SYNE2: variants seen among roughly 807,000 people sequenced by gnomAD.
The protein encoded by SYNE2 is spectrin repeat containing nuclear envelope protein 2.
Under a neutral mutation model 856.3 loss-of-function variants are expected in SYNE2, and 431 were observed. The ratio of observed to expected loss-of-function variants is 0.50; its 90% CI spans 0.47 to 0.55. The LOEUF (loss-of-function observed/expected upper bound fraction) is 0.55. SYNE2 is among the 20% of genes least tolerant of loss of function. SYNE2 has a pLI of 0.00. For synonymous variants in SYNE2, 2,923 were observed against 2,872.3 expected (o/e 1.02, Z -0.56); for missense variants, 8,129 against 8,023.2 (o/e 1.01, Z -0.50).
In SYNE2 at chr14:64,137,994, T is replaced by A; in HGVS notation, c.14843+11T>A. 6.2e-7 allele frequency: 1 copy of A among 1,610,998 alleles called. No homozygotes were observed. Among genetic ancestry groups the A allele is most frequent in the Non-Finnish European group, 8.5e-7 (1 of 1,178,482 alleles). On this transcript the variant is annotated intron_variant, in intron 79 of 115. Coordinates refer to ENST00000555002, the MANE Select transcript of SYNE2 (RefSeq NM_182914.3). Reference sequence around the variant, plus strand: ...CAAGCATCTGCTCAGGTCAGCCTTTTTGGGGGTGGATTGGCTTCATATTGT... The same window carrying A: ...CAAGCATCTGCTCAGGTCAGCCTTTATGGGGGTGGATTGGCTTCATATTGT...
chr14:64,074,011 G>A lies in SYNE2; in HGVS notation c.10741G>A (p.Glu3581Lys), dbSNP rs769175508. ...VQKNKELVQT[E>K]IQERHSFTKE... ...GAAAAATAAAGAATTGGTGCAGACT[G>A]AAATCCAAGAAAGACATTCCTTCAC... The change falls in exon 53 of 116, where the codon GAA becomes AAA. Residue 3581 changes from glutamate (E) to lysine (K), a missense_variant. Physicochemically the swap from Glu to Lys is moderately conservative, Grantham distance 56 (BLOSUM62 1). Coordinates refer to ENST00000555002, the MANE Select transcript of SYNE2 (RefSeq NM_182914.3). The A allele has an allele frequency of 6.2e-6, 10 of 1,614,076 alleles. No individual in the cohort carries two copies. The highest frequency in any genetic ancestry group is 7.6e-6 in the Non-Finnish European group (9 of 1,180,038).
intron 23 of SYNE2, among the ~76,000 whole-genome samples, chr14:63,995,731 A>ATCTG (rs59397991): frequency 0.1 from 184 of 1,764 alleles, no homozygotes; most frequent in African/African-American, 0.22. Context: ...ATATCTATCC[A>ATCTG]TCTATCTATC....
intron 1 of SYNE2, among the ~76,000 whole-genome samples, chr14:63,786,192 G>A (rs1887521792): frequency 1.3e-5 from 2 of 151,166 alleles, no homozygotes; most frequent in African/African-American, 4.9e-5. Context: ...GGAGTTTGCA[G>A]TGAACTGAGA....
intron 2 of SYNE2, among the ~76,000 whole-genome samples, chr14:63,917,857 A>C (rs1336148072): frequency 6.7e-6 from 1 of 149,244 alleles, no homozygotes; most frequent in Non-Finnish European, 1.5e-5. Flanking sequence ...GTGTTTTTCA[A>C]ATTTTTTTTT....
chr14:63,955,325 C>G (rs2096227819), intron 8 of SYNE2, among the ~76,000 whole-genome samples: 1 of 152,208 alleles, frequency 6.6e-6, no homozygotes, highest in Non-Finnish European at 1.5e-5. Context: ...AGAACAGAAA[C>G]TGCTGCCTTC....
At chr14:63,982,608 G>A (rs2096595320) in intron 16 of SYNE2, 22 bp from the exon 17 acceptor site, 1 of 1,608,354 alleles carries the variant, frequency 6.2e-7, no homozygotes. Flanking sequence ...TTAAGATAGT[G>A]TGTTGCTTGT....
intron 66 of SYNE2, among the ~76,000 whole-genome samples, chr14:64,116,429 T>C (rs1033277531): frequency 2.6e-5 from 4 of 151,518 alleles, no homozygotes; most frequent in East Asian, 1.9e-4. Context: ...GTACCATTAC[T>C]TTTTTTTTGA....
At chr14:63,968,176 C>T (rs2096421891) in intron 11 of SYNE2, among the ~76,000 whole-genome samples, 1 of 151,950 alleles carries the variant, frequency 6.6e-6, no homozygotes, top group South Asian at 2.1e-4. Context: ...AAAAAAAGAA[C>T]ATTTTCAAAG....
chr14:64,146,018 CT>C (rs761122701), intron 83 of SYNE2, 49 bp from the exon 84 acceptor site: 2 of 1,361,944 alleles, frequency 1.5e-6, no homozygotes, highest in Non-Finnish European at 2.0e-6. Flanking sequence ...TGGCATTTAC[CT>C]TTTAAAACAT....
At chr14:63,894,042 C>G (rs766194754) in intron 1 of SYNE2, among the ~76,000 whole-genome samples, 32 of 152,248 alleles carry the variant, frequency 2.1e-4, no homozygotes, top group Middle Eastern at 3.4e-3. Context: ...TCACCTCGAG[C>G]CAAGTTACCC....
intron 1 of SYNE2, among the ~76,000 whole-genome samples, chr14:63,888,215 G>C (rs532388756): frequency 1.1e-4 from 17 of 152,316 alleles, no homozygotes; most frequent in African/African-American, 4.1e-4. Context: ...ACTCGGGCCT[G>C]CTAAGCCACC....
chr14:64,050,049 A>G (rs1296207555), intron 47 of SYNE2, among the ~76,000 whole-genome samples, 173 bp downstream of exon 47: 10 of 152,182 alleles, frequency 6.6e-5, no homozygotes, highest in African/African-American at 2.4e-4. Context: ...CTGCTATAAC[A>G]AAATACTGCA....
In SYNE2 at chr14:63,798,384, GT is replaced by G. The variant is rs548013514; in HGVS notation, c.-305+36411del. ...ACGTCTTATCTAGAAACCTTAACTT[GT>G]TTTTTTTTTTTTCTTTTTTTTTTTT... is the stretch of plus-strand genomic sequence containing the variant. On this transcript the variant is annotated intron_variant, in intron 1 of 23. Transcript: ENST00000674003. Among the ~76,000 whole-genome samples the G allele has an allele frequency of 7.8e-3, 1,000 of 127,416 alleles. 6 individuals carry two copies. Among genetic ancestry groups the G allele is most frequent in the African/African-American group, 0.024 (840 of 34,636 alleles). 83.6% of individuals were successfully genotyped at this position (127,416 alleles called of 152,430 possible). A position where few individuals can be genotyped will look rare whatever the true frequency, so the allele number is the denominator to read the frequency against.
At chr14:63,857,662 G>A (rs924825770) in intron 1 of SYNE2, among the ~76,000 whole-genome samples, 13 of 152,296 alleles carry the variant, frequency 8.5e-5, no homozygotes, top group African/African-American at 2.6e-4. Flanking sequence ...TCTGTTGGGT[G>A]TGTAGTGACA....
Position 64,162,232 on chromosome 14 carries a change from A to G in SYNE2, c.16255A>G (p.Asn5419Asp). 1 of 1,614,242 alleles carries G rather than the reference A, an allele frequency of 6.2e-7. No homozygotes were observed. Among genetic ancestry groups the G allele is most frequent in the South Asian group, 1.1e-5 (1 of 91,082 alleles). The change falls in exon 88 of 116, where the codon AAC becomes GAC. Residue 5419 changes from asparagine to aspartate, a missense_variant. Coordinates refer to ENST00000555002, the MANE Select transcript of SYNE2 (RefSeq NM_182914.3). ...QQLANISMSG[N>D]NLAEILPPAL... Reference sequence around the variant, plus strand: ...GCTCGCAAACATCAGCATGTCTGGAAACAACCTGGCAGAGATCCTGCCCCC... The same window carrying G: ...GCTCGCAAACATCAGCATGTCTGGAGACAACCTGGCAGAGATCCTGCCCCC...
chr14:64,104,731 GT>G (rs1419142822), intron 64 of SYNE2, among the ~76,000 whole-genome samples: 2 of 152,122 alleles, frequency 1.3e-5, no homozygotes, highest in Non-Finnish European at 2.9e-5. Context: ...GATTACAGGT[GT>G]GAGCCACTGC....
In SYNE2 at chr14:64,214,229, A is replaced by C. The variant is rs769018209; in HGVS notation, c.19092A>C (p.Glu6364Asp). 2 of 1,614,148 alleles carry C rather than the reference A, an allele frequency of 1.2e-6. No homozygotes were observed. Among genetic ancestry groups the C allele is most frequent in the South Asian group, 2.2e-5 (2 of 91,074 alleles). Residue 6364 changes from glutamate to aspartate, a missense_variant, in exon 106 of 116, where the codon GAA becomes GAC. Physicochemically the swap from Glu to Asp is conservative, Grantham distance 45. Around this residue, in one of 3 missense-constraint regions of SYNE2, gnomAD observed 5,410 missense variants for 5,284.8 expected, o/e 1.02. Coordinates refer to ENST00000555002, the MANE Select transcript of SYNE2 (RefSeq NM_182914.3). ...ATGAAAAGGAGGCCTCTGAGAATGAAACAGACATGGAAGACCCCAGAGAAA... is the reference window on the plus strand; with the variant it reads ...ATGAAAAGGAGGCCTCTGAGAATGACACAGACATGGAAGACCCCAGAGAAA... ...LEDEKEASEN[E>D]TDMEDPREIQ...
chr14:64,139,789 T>G, intron 79 of SYNE2, 152 bp from the exon 80 acceptor site: 2 of 798,428 alleles, frequency 2.5e-6, no homozygotes, highest in Non-Finnish European at 2.1e-6. Flanking sequence ...GTATAAAACA[T>G]GATATAATCC....
At chr14:63,911,290 A>C (rs898191778) in intron 2 of SYNE2, among the ~76,000 whole-genome samples, 1 of 152,144 alleles carries the variant, frequency 6.6e-6, no homozygotes, top group African/African-American at 2.4e-5. Context: ...GACGATTAGA[A>C]TCAGTTTCCT....
Sources: gnomAD v4.1 joint callset for allele counts (sites outside exome capture counted in the v4.1 genomes callset) on GRCh38, gnomAD v4.1.1 for gene constraint, gnomAD v4.1.1 regional missense constraint, MANE v1.5 for transcripts, NCBI Gene and HGNC (gene_info 2026-07-23, HGNC 2026-07-21) for gene names.